The following CRYGN variants were observed in gnomAD, a reference collection of about 807,000 sequenced individuals.
The protein encoded by CRYGN is gamma-crystallin N.
CRYGN carries 17 observed loss-of-function variants against 19.2 expected under a neutral mutation model. That is an observed-to-expected ratio of 0.89 (90% CI 0.61 to 1.33). The LOEUF (loss-of-function observed/expected upper bound fraction) is 1.33. CRYGN is among the 40% of genes most tolerant of loss of function. The pLI, the probability that CRYGN is intolerant of heterozygous loss-of-function variation, is 0.00. For synonymous variants in CRYGN, 84 were observed against 85.8 expected (o/e 0.98, Z 0.12); for missense variants, 239 against 239.6 (o/e 1.00, Z 0.02).
Position 151,440,008 on chromosome 7 carries a change from G to A in CRYGN, c.-91C>T. The A allele has an allele frequency of 7.1e-7, 1 of 1,418,040 alleles. No individual in the cohort carries two copies. The highest frequency in any genetic ancestry group is 1.5e-5 in the South Asian group (1 of 67,492). The allele number at this position is 1,418,040 out of a possible 1,614,324, so 87.8% of individuals were successfully genotyped here. A position where few individuals can be genotyped will look rare whatever the true frequency, so the allele number is the denominator to read the frequency against. ...CCCCGGACAAAAGATTTGCTGGGCC[G>A]GCCCCGGAGCGTTAGTGCTGTCGGG... On this transcript the variant is annotated 5_prime_UTR_variant, in exon 1 of 4. Transcript: ENST00000337323.
At position 151,439,977 on chromosome 7, in the gene CRYGN, G is replaced by A; in HGVS notation, c.-60C>T. 6.8e-7 allele frequency: 1 copy of A among 1,462,516 alleles called. No individual in the cohort carries two copies. The highest frequency in any genetic ancestry group is 9.1e-7 in the Non-Finnish European group (1 of 1,103,642). 90.6% of individuals were successfully genotyped at this position (1,462,516 alleles called of 1,614,324 possible). ...CACCGGGCAGCGCCCTGCTGGCTCAGCGCCGCCCCGGACAAAAGATTTGCT... is the reference window on the plus strand; with the variant it reads ...CACCGGGCAGCGCCCTGCTGGCTCAACGCCGCCCCGGACAAAAGATTTGCT... On this transcript the variant is annotated 5_prime_UTR_variant, in exon 1 of 4. Transcript: ENST00000337323.
intron 2 of CRYGN, 39 bp downstream of exon 2, chr7:151,437,957 A>G (rs1443056620): frequency 6.2e-7 from 1 of 1,607,648 alleles, no homozygotes; most frequent in Non-Finnish European, 8.5e-7. Context: ...CGGTCCCTCC[A>G]GCAGGAAGAC....
chr7:151,432,330 C>T, intron 3 of CRYGN: 1 of 1,095,786 alleles, frequency 9.1e-7, no homozygotes, highest in Non-Finnish European at 1.2e-6. Context: ...AGGAAGTCCC[C>T]CGGGACTCCG....
rs529919524 is a variant in CRYGN, at chr7:151,435,482, A to G, written c.416+698T>C. 5.9e-5 allele frequency among the ~76,000 whole-genome samples: 9 copies of G among 152,158 alleles called. No homozygotes were observed. The highest frequency in any genetic ancestry group is 8.8e-5 in the Non-Finnish European group (6 of 68,036). On this transcript the variant is annotated intron_variant, in intron 3 of 3. Coordinates refer to ENST00000337323, the MANE Select transcript of CRYGN (RefSeq NM_144727.3). The surrounding 1 kb of genome is among the most constrained non-coding windows in gnomAD (Gnocchi z 4.2). Reference sequence around the variant, plus strand: ...TTGAAGGTGCTCAGAGGATAGTTGCAAAAGGGGAGTGTGCGGGAGGGCAGG... The same window carrying G: ...TTGAAGGTGCTCAGAGGATAGTTGCGAAAGGGGAGTGTGCGGGAGGGCAGG...
At position 151,429,794 on chromosome 7, in the gene CRYGN, T is replaced by C. The variant is rs888428999; in HGVS notation, c.*254A>G. 12 of 540,014 alleles carry C rather than the reference T, an allele frequency of 2.2e-5. No homozygotes were observed. Among genetic ancestry groups the C allele is most frequent in the East Asian group, 1.3e-4 (4 of 31,028 alleles). 33.5% of individuals were successfully genotyped at this position (540,014 alleles called of 1,614,324 possible). On this transcript the variant is annotated 3_prime_UTR_variant, in exon 4 of 4. Transcript: ENST00000337323. ...ATCAGCTGTGGGCTGAGGTGCGAGATTGTGGAGGCCTGAGGCCAGCAGGGT... is the reference window on the plus strand; with the variant it reads ...ATCAGCTGTGGGCTGAGGTGCGAGACTGTGGAGGCCTGAGGCCAGCAGGGT...
At position 151,439,894 on chromosome 7, in the gene CRYGN, C is replaced by A; in HGVS notation, c.21+3G>T. The A allele has an allele frequency of 6.4e-7, 1 of 1,557,422 alleles. No homozygotes were observed. Among genetic ancestry groups the A allele is most frequent in the Admixed American group, 1.9e-5 (1 of 51,844 alleles). On this transcript the variant is annotated splice_donor_region_variant and intron_variant, in intron 1 of 3. Transcript: ENST00000337323. ...TTTCCTTGGGGTTGAGGGACGCACT[C>A]ACCTTCCCCGAGCGCTGCGCCATGG...
rs766176646 is a variant in CRYGN, at chr7:151,430,689, C to T, written c.417-509G>A. Among the ~76,000 whole-genome samples the T allele has an allele frequency of 8.9e-4, 135 of 152,346 alleles. No homozygotes were observed. The highest frequency in any genetic ancestry group is 1.6e-3 in the Non-Finnish European group (106 of 68,032). ...TCAACTCAGATAGTAACCCAGGGCT[C>T]ATGGGCTTTCCCTCGGAGTCCTGAG... On this transcript the variant is annotated intron_variant, in intron 3 of 3. Coordinates refer to ENST00000337323, the MANE Select transcript of CRYGN (RefSeq NM_144727.3). This position sits in a 1 kb window ranked among gnomAD's most constrained non-coding sequence, Gnocchi z 5.2.
At chr7:151,439,815 T>C in intron 1 of CRYGN, 82 bp downstream of exon 1, 16 of 1,399,980 alleles carry the variant, frequency 1.1e-5, no homozygotes, top group Non-Finnish European at 1.5e-5. Flanking sequence ...CCATCAACAG[T>C]GTGCACCCTC....
chr7:151,435,914 T>A lies in CRYGN; in HGVS notation c.416+266A>T, dbSNP rs1801590608. Among the ~76,000 whole-genome samples the A allele has an allele frequency of 6.6e-6, 1 of 152,122 alleles. No homozygotes were observed. Among genetic ancestry groups the A allele is most frequent in the African/African-American group, 2.4e-5 (1 of 41,434 alleles). On this transcript the variant is annotated intron_variant, in intron 3 of 3. Coordinates refer to ENST00000337323, the MANE Select transcript of CRYGN (RefSeq NM_144727.3). This position sits in a 1 kb window ranked among gnomAD's most constrained non-coding sequence, Gnocchi z 4.2. The stretch of plus-strand genomic sequence containing the variant: ...TACCTCTGCTCCTGGACTGAGGCCC[T>A]AGAGGGAAGGTCTCAGGGTGCCTCT...
chr7:151,437,567 C>T (rs1198090922), intron 2 of CRYGN, among the ~76,000 whole-genome samples: 1 of 152,188 alleles, frequency 6.6e-6, no homozygotes, highest in East Asian at 1.9e-4. Context: ...TCTTCAGCTT[C>T]CTCCATCAGC....
Position 151,440,124 on chromosome 7 carries a change from C to T in CRYGN, c.-207G>A, listed in dbSNP as rs1041390846. The stretch of plus-strand genomic sequence containing the variant: ...TGCAGCCCGCCCTGCCCGGGGTCTC[C>T]CTGTGCTCTCCGCGTTTAGCTCCCG... On this transcript the variant is annotated 5_prime_UTR_variant, in exon 1 of 4. Coordinates refer to ENST00000337323, the MANE Select transcript of CRYGN (RefSeq NM_144727.3). The T allele has an allele frequency of 3.0e-6, 4 of 1,346,124 alleles. No homozygotes were observed. The highest frequency in any genetic ancestry group is 3.1e-5 in the East Asian group (1 of 32,736). 83.4% of individuals were successfully genotyped at this position (1,346,124 alleles called of 1,614,324 possible).
upstream of CRYGN, chr7:151,440,215 G>C (rs74450697): frequency 0.091 from 62,749 of 690,594 alleles, 3,208 homozygotes; most frequent in East Asian, 0.22. Context: ...CTGGAGTGGT[G>C]GGGGGAGGAG....
At position 151,435,535 on chromosome 7, in the gene CRYGN, A is replaced by G. The variant is rs1198858889; in HGVS notation, c.416+645T>C. On this transcript the variant is annotated intron_variant, in intron 3 of 3. Coordinates refer to ENST00000337323, the MANE Select transcript of CRYGN (RefSeq NM_144727.3). This position sits in a 1 kb window ranked among gnomAD's most constrained non-coding sequence, Gnocchi z 4.2. ...GGGGCACACAGGCTGCCCTTGGTTG[A>G]CCAGGAGGAAACCCAAGTGTGGGGC... 6.6e-6 allele frequency among the ~76,000 whole-genome samples: 1 copy of G among 152,106 alleles called. No homozygotes were observed. Among genetic ancestry groups the G allele is most frequent in the African/African-American group, 2.4e-5 (1 of 41,416 alleles).
Position 151,438,137 on chromosome 7 carries a change from G to C in CRYGN, c.129C>G (p.His43Gln). Residue 43 changes from histidine to glutamine, a missense_variant, in exon 2 of 4, where the codon CAC becomes CAG. Transcript: ENST00000337323. ...RGFMNRVNSI[H>Q]VESGAWVCFN... ...AGCAGACCCAGGCTCCGCTCTCCACGTGGATGGAGTTCACTCGGTTCATAA... is the reference window on the plus strand; with the variant it reads ...AGCAGACCCAGGCTCCGCTCTCCACCTGGATGGAGTTCACTCGGTTCATAA... 3.1e-6 allele frequency: 5 copies of C among 1,614,212 alleles called. No homozygotes were observed. The highest frequency in any genetic ancestry group is 4.2e-6 in the Non-Finnish European group (5 of 1,180,044).
At chr7:151,440,143 G>C (rs1801728029), upstream of CRYGN, 1 of 1,318,534 alleles carries the variant, frequency 7.6e-7, no homozygotes, top group Admixed American at 3.8e-5. Context: ...TCCGCGTTTA[G>C]CTCCCGAGCC....
At chr7:151,432,965 G>A (rs986744334) in intron 3 of CRYGN, among the ~76,000 whole-genome samples, 1 of 152,192 alleles carries the variant, frequency 6.6e-6, no homozygotes, top group African/African-American at 2.4e-5. Context: ...GGTACCAGAG[G>A]TGCCATGGTC....
Position 151,438,071 on chromosome 7 carries a change from C to T in CRYGN, c.195G>A (p.Glu65=). The change falls in exon 2 of 4, where the codon GAG becomes GAA. Residue 65 remains glutamate (E), a synonymous_variant. Transcript: ENST00000337323. ...PDFRGQQFIL[E]HGDYPDFFRW... ...GGAAGAAGTCGGGGTAGTCGCCGTG[C>T]TCCAAGATGAACTGCTGGCCCCGGA... The T allele has an allele frequency of 6.2e-7, 1 of 1,614,072 alleles. No homozygotes were observed. Among genetic ancestry groups the T allele is most frequent in the Non-Finnish European group, 8.5e-7 (1 of 1,180,024 alleles).
Position 151,439,893 on chromosome 7 carries a change from T to A in CRYGN, c.21+4A>T. ...GTTTCCTTGGGGTTGAGGGACGCAC[T>A]CACCTTCCCCGAGCGCTGCGCCATG... On this transcript the variant is annotated splice_donor_region_variant and intron_variant, in intron 1 of 3. Coordinates refer to ENST00000337323, the MANE Select transcript of CRYGN (RefSeq NM_144727.3). The A allele has an allele frequency of 6.4e-7, 1 of 1,556,710 alleles. No individual in the cohort carries two copies. The highest frequency in any genetic ancestry group is 8.7e-7 in the Non-Finnish European group (1 of 1,152,434).
intron 2 of CRYGN, 78 bp downstream of exon 2, chr7:151,437,918 C>T: frequency 6.2e-7 from 1 of 1,600,396 alleles, no homozygotes; most frequent in South Asian, 1.1e-5. Context: ...CTCCCCGATT[C>T]CTTGCCACTG....
Sources: allele counts gnomAD v4.1 joint callset (sites outside exome capture counted in the v4.1 genomes callset), GRCh38; gene constraint gnomAD v4.1.1; non-coding constraint Gnocchi (gnomAD v3.1); transcripts MANE v1.5; gene names NCBI Gene and HGNC (gene_info 2026-07-23, HGNC 2026-07-21).